The following THSD7B variants were observed in gnomAD, a reference collection of about 807,000 sequenced individuals.
THSD7B encodes thrombospondin type-1 domain-containing protein 7B.
THSD7B carries 138 observed loss-of-function variants against 213.6 expected under a neutral mutation model. The observed-to-expected ratio is 0.65, with a 90% CI of 0.56 to 0.74. THSD7B has a LOEUF of 0.74. THSD7B is among the 30% of genes least tolerant of loss of function. THSD7B has a pLI of 0.00. For synonymous variants in THSD7B, 742 were observed against 687.0 expected (o/e 1.08, Z -1.25); for missense variants, 1,931 against 1,991.5 (o/e 0.97, Z 0.58).
chr2:136,818,490 A>G (rs1470990176), intron 1 of THSD7B, among the ~76,000 whole-genome samples: 2 of 151,674 alleles, frequency 1.3e-5, no homozygotes, highest in Non-Finnish European at 2.9e-5. Context: ...TGGCACATGT[A>G]TACATATGTA....
chr2:136,911,057 C>A (rs1416050500), intron 2 of THSD7B, among the ~76,000 whole-genome samples: 1 of 152,036 alleles, frequency 6.6e-6, no homozygotes, highest in Non-Finnish European at 1.5e-5. Flanking sequence ...TTATGAAGAT[C>A]ATGCTTTGTT....
chr2:136,784,326 T>C (rs1333534330), intron 1 of THSD7B, among the ~76,000 whole-genome samples: 1 of 152,220 alleles, frequency 6.6e-6, no homozygotes. Context: ...TTCTTTCTAC[T>C]TGGGCTGCCT....
At chr2:137,635,201 G>A (rs373694641) in intron 20 of THSD7B, among the ~76,000 whole-genome samples, 42 of 152,242 alleles carry the variant, frequency 2.8e-4, no homozygotes, top group African/African-American at 9.1e-4. Context: ...GTCTTTCTCT[G>A]TTTTGTAAGC....
intron 3 of THSD7B, among the ~76,000 whole-genome samples, chr2:137,087,060 A>G (rs979425652): frequency 3.3e-5 from 5 of 152,238 alleles, no homozygotes; most frequent in Non-Finnish European, 5.9e-5. Flanking sequence ...ATATTACTCA[A>G]TAATGAAAAT....
At chr2:136,856,060 C>T (rs1683176861) in intron 1 of THSD7B, among the ~76,000 whole-genome samples, 1 of 152,102 alleles carries the variant, frequency 6.6e-6, no homozygotes, top group Non-Finnish European at 1.5e-5. Context: ...TTTTTCATTT[C>T]CTTAGTGGCA....
At chr2:137,085,340 C>T (rs1687818851) in intron 3 of THSD7B, among the ~76,000 whole-genome samples, 1 of 151,786 alleles carries the variant, frequency 6.6e-6, no homozygotes, top group Non-Finnish European at 1.5e-5. Flanking sequence ...AAGCTAAGTC[C>T]AATGTGAAAC....
At chr2:137,189,258 C>T (rs992650992) in intron 7 of THSD7B, among the ~76,000 whole-genome samples, 1 of 152,146 alleles carries the variant, frequency 6.6e-6, no homozygotes, top group Non-Finnish European at 1.5e-5. Context: ...AAATTCTTGT[C>T]AGAAAACTGG....
chr2:137,353,259 G>C (rs183372360), intron 12 of THSD7B, among the ~76,000 whole-genome samples: 2 of 152,028 alleles, frequency 1.3e-5, no homozygotes, highest in Non-Finnish European at 2.9e-5. Flanking sequence ...TGCCAACTTA[G>C]GGAGAAATAG....
chr2:137,227,534 C>T (rs1019109222), intron 7 of THSD7B, among the ~76,000 whole-genome samples: 2 of 152,090 alleles, frequency 1.3e-5, no homozygotes, highest in Non-Finnish European at 2.9e-5. Context: ...TTTCCATGGT[C>T]TCATTGATCC....
rs75066868 is a variant in THSD7B at position 137,266,682 on chromosome 2, T to A, written c.2267-5851T>A. Among the ~76,000 whole-genome samples the A allele has an allele frequency of 7.9e-3, 1,199 of 152,302 alleles. 22 individuals are homozygous for A. Among genetic ancestry groups the A allele is most frequent in the African/African-American group, 0.027 (1,123 of 41,570 alleles). Reference sequence around the variant, plus strand: ...AGAATTCTGCAGGTTGCTGCTGGAATAACTGCCATGCATTGCTGGTACATA... The same window carrying A: ...AGAATTCTGCAGGTTGCTGCTGGAAAAACTGCCATGCATTGCTGGTACATA... On this transcript the variant is annotated intron_variant, in intron 10 of 27. Coordinates refer to ENST00000409968, the MANE Select transcript of THSD7B (RefSeq NM_001316349.2).
intron 15 of THSD7B, among the ~76,000 whole-genome samples, chr2:137,508,832 C>A (rs1679897219): frequency 6.6e-6 from 1 of 151,996 alleles, no homozygotes. Context: ...TGCCTAGAAT[C>A]GTCCAGGGCC....
intron 1 of THSD7B, among the ~76,000 whole-genome samples, chr2:136,795,049 T>C (rs923634188): frequency 2.0e-5 from 3 of 151,992 alleles, no homozygotes; most frequent in African/African-American, 7.2e-5. Context: ...TATATACTTA[T>C]ATTTAAGATA....
chr2:136,969,441 G>A (rs1210813784), intron 2 of THSD7B, among the ~76,000 whole-genome samples: 1 of 152,020 alleles, frequency 6.6e-6, no homozygotes, highest in Admixed American at 6.5e-5. Context: ...TGCCTTGGAG[G>A]GAATATTTAA....
intron 14 of THSD7B, among the ~76,000 whole-genome samples, chr2:137,412,623 A>AAAAAAAAAAAAAAC (rs1573611118): frequency 4.8e-5 from 6 of 126,284 alleles, no homozygotes; most frequent in Admixed American, 8.3e-5. Flanking sequence ...AAAAAAAACA[A>AAAAAAAAAAAAAAC]AAAACAGTTT....
chr2:137,236,838 C>T (rs1216124048), intron 9 of THSD7B, among the ~76,000 whole-genome samples: 2 of 152,074 alleles, frequency 1.3e-5, no homozygotes, highest in Non-Finnish European at 1.5e-5. Flanking sequence ...TAGCTGGGCG[C>T]GGTGGCTCAT....
At chr2:137,167,499 C>T (rs746207872) in intron 6 of THSD7B, among the ~76,000 whole-genome samples, 19 of 152,224 alleles carry the variant, frequency 1.2e-4, no homozygotes, top group Non-Finnish European at 2.1e-4. Flanking sequence ...CTCATGTGTA[C>T]ACTTCTGATC....
At chr2:137,175,531 A>G (rs1434236301) in intron 7 of THSD7B, among the ~76,000 whole-genome samples, 8 of 152,178 alleles carry the variant, frequency 5.3e-5, no homozygotes, top group Admixed American at 3.9e-4. Flanking sequence ...CTGTGTATAT[A>G]TTTGCACGGC....
intron 5 of THSD7B, among the ~76,000 whole-genome samples, chr2:137,119,549 G>C (rs1308170727): frequency 1.3e-5 from 2 of 152,160 alleles, no homozygotes; most frequent in Non-Finnish European, 2.9e-5. Flanking sequence ...CACATGAAAA[G>C]AAATGGAAAA....
intron 25 of THSD7B, among the ~76,000 whole-genome samples, chr2:137,660,007 T>C (rs1573772000): frequency 6.6e-6 from 1 of 151,760 alleles, no homozygotes; most frequent in Admixed American, 6.5e-5. Flanking sequence ...TACCAGTAAG[T>C]ATTCTCAGTT....
Sources: gnomAD v4.1 joint callset for allele counts (sites outside exome capture counted in the v4.1 genomes callset) on GRCh38, gnomAD v4.1.1 for gene constraint, MANE v1.5 for transcripts, NCBI Gene and HGNC (gene_info 2026-07-23, HGNC 2026-07-21) for gene names.